Variants in CAST observed in about 807,000 individuals in gnomAD.
CAST encodes MIR583 host.
CAST carries 76 observed loss-of-function variants against 119.6 expected under a neutral mutation model. That is an observed-to-expected ratio of 0.64 (90% CI 0.53 to 0.77). The LOEUF is 0.77. Among genes scored for constraint, CAST ranks in the 30% least tolerant of loss-of-function variants. The probability of loss-of-function intolerance (pLI) is 0.00; values close to 1 mark genes in which losing one functional copy is unlikely to be tolerated. For synonymous variants in CAST, 319 were observed against 331.6 expected, an observed-to-expected ratio of 0.96 and a Z score of 0.41; for missense variants, 953 against 946.5, an observed-to-expected ratio of 1.01 and a Z score of -0.09.
chr5:96,367,664 C>T, the CAST span, among the ~76,000 whole-genome samples: 5 of 152,230 alleles, frequency 3.3e-5, no homozygotes, highest in South Asian at 2.1e-4. Context: ...TTTGCTAAGA[C>T]CATTGGAAAA....
At chr5:96,358,459 T>G in the CAST span, among the ~76,000 whole-genome samples, 1 of 152,222 alleles carries the variant, frequency 6.6e-6, no homozygotes, top group African/African-American at 2.4e-5. Context: ...CTTTCTCTTG[T>G]GGGCATTTAG....
At chr5:96,460,483 A>C in the CAST span, among the ~76,000 whole-genome samples, 1 of 152,018 alleles carries the variant, frequency 6.6e-6, no homozygotes, top group Admixed American at 6.6e-5. Context: ...CACCATGCAC[A>C]TGTATACCTG....
At chr5:96,685,063 A>T (rs1484402352) in intron 2 of CAST, among the ~76,000 whole-genome samples, 3 of 150,938 alleles carry the variant, frequency 2.0e-5, no homozygotes, top group Non-Finnish European at 3.0e-5. Flanking sequence ...TATATATATA[A>T]ATATATCAAC....
chr5:96,759,427 C>G (rs1186108026), intron 24 of CAST, among the ~76,000 whole-genome samples: 1 of 152,038 alleles, frequency 6.6e-6, no homozygotes, highest in Non-Finnish European at 1.5e-5. Context: ...AAGAAAAAGT[C>G]TTTGAGAAGC....
chr5:96,319,738 T>G, the CAST span, among the ~76,000 whole-genome samples: 1 of 152,088 alleles, frequency 6.6e-6, no homozygotes, highest in Non-Finnish European at 1.5e-5. Flanking sequence ...TATTAGGTGA[T>G]AGAAAACGGA....
chr5:96,409,976 C>T, the CAST span, among the ~76,000 whole-genome samples: 2 of 152,162 alleles, frequency 1.3e-5, no homozygotes. Context: ...TAGGGTTCAC[C>T]CACCCTCTAA....
At chr5:96,304,423 T>G in the CAST span, among the ~76,000 whole-genome samples, 204 of 152,362 alleles carry the variant, frequency 1.3e-3, no homozygotes, top group Non-Finnish European at 2.2e-3. Flanking sequence ...GATGATAGTT[T>G]CTTTTGCTGT....
At chr5:96,199,711 A>G in the CAST span, among the ~76,000 whole-genome samples, 696 of 152,274 alleles carry the variant, frequency 4.6e-3, 17 homozygotes, top group East Asian at 0.053. Flanking sequence ...AAATAACTGT[A>G]TTTTGTTGTT....
the CAST span, among the ~76,000 whole-genome samples, chr5:96,179,458 CA>C: frequency 6.6e-6 from 1 of 152,198 alleles, no homozygotes; most frequent in Non-Finnish European, 1.5e-5. Flanking sequence ...AAAAGGTTCC[CA>C]GTGTCCCTTG....
At chr5:96,446,236 A>G in the CAST span, among the ~76,000 whole-genome samples, 1 of 151,592 alleles carries the variant, frequency 6.6e-6, no homozygotes, top group African/African-American at 2.4e-5. Context: ...ACAACCCCTC[A>G]TTTGGTCTAC....
the CAST span, among the ~76,000 whole-genome samples, chr5:96,498,304 C>CA: frequency 6.6e-6 from 1 of 152,172 alleles, no homozygotes; most frequent in Non-Finnish European, 1.5e-5. Flanking sequence ...GTGATGCCTC[C>CA]AGCTTTGTTC....
At chr5:96,581,165 C>A (rs1404723674) in intron 1 of CAST, among the ~76,000 whole-genome samples, 1 of 152,194 alleles carries the variant, frequency 6.6e-6, no homozygotes, top group South Asian at 2.1e-4. Flanking sequence ...AAAGGTCAAC[C>A]TTTAATTAGC....
chr5:96,620,152 T>G (rs970151421), intron 1 of CAST, among the ~76,000 whole-genome samples: 1 of 152,226 alleles, frequency 6.6e-6, no homozygotes, highest in African/African-American at 2.4e-5. Context: ...CTACTGAAAT[T>G]CCTGCAATTC....
chr5:96,551,505 A>G (rs1746125395), intron 1 of CAST, among the ~76,000 whole-genome samples: 1 of 152,220 alleles, frequency 6.6e-6, no homozygotes, highest in African/African-American at 2.4e-5. Flanking sequence ...AAGAAACTGT[A>G]TCAATTAATG....
chr5:96,015,515 A>G, the CAST span, among the ~76,000 whole-genome samples: 10,016 of 152,128 alleles, frequency 0.066, 643 homozygotes, highest in African/African-American at 0.17. Flanking sequence ...TTAATCACCT[A>G]TAATATATAT....
At chr5:96,548,964 A>G (rs76791714) in intron 1 of CAST, among the ~76,000 whole-genome samples, 119 of 152,340 alleles carry the variant, frequency 7.8e-4, no homozygotes, top group African/African-American at 2.8e-3. Context: ...GAAGGTGAGC[A>G]TCACTGGGTG....
chr5:96,044,192 T>C, the CAST span, among the ~76,000 whole-genome samples: 3 of 152,174 alleles, frequency 2.0e-5, no homozygotes, highest in Admixed American at 2.0e-4. Context: ...AGTGCTATGG[T>C]TTGAATGTTT....
chr5:96,741,194 G>T (rs1322277111), intron 13 of CAST, 72 bp from the exon 14 acceptor site: 6 of 824,036 alleles, frequency 7.3e-6, no homozygotes, highest in Non-Finnish European at 1.2e-5. Context: ...TTCTTCATTT[G>T]CTAGGTTTAT....
chr5:96,127,872 A>G, the CAST span, among the ~76,000 whole-genome samples: 23 of 152,090 alleles, frequency 1.5e-4, no homozygotes, highest in African/African-American at 4.8e-4. Context: ...ATATGGTATT[A>G]TGAATTATTG....
Sources: allele counts gnomAD v4.1 joint callset (sites outside exome capture counted in the v4.1 genomes callset), GRCh38; gene constraint gnomAD v4.1.1; transcripts MANE v1.5; gene names NCBI Gene and HGNC (gene_info 2026-07-23, HGNC 2026-07-21).